Variants in LY9 observed in about 807,000 individuals in gnomAD.
LY9 encodes lymphocyte antigen 9.
A neutral mutation model predicts 64.6 loss-of-function variants in LY9; 59 were observed. The ratio of observed to expected loss-of-function variants is 0.91; its 90% CI spans 0.74 to 1.13. LY9 has a LOEUF of 1.13. Among genes scored for constraint, LY9 ranks in the 50% most tolerant of loss-of-function variants. The pLI is 0.00. For synonymous variants in LY9, 281 were observed against 308.5 expected (o/e 0.91, Z 0.93); for missense variants, 789 against 797.2 (o/e 0.99, Z 0.12).
At chr1:160,797,889 ACG>A (rs1193336334) in intron 1 of LY9, among the ~76,000 whole-genome samples, 5 of 149,612 alleles carry the variant, frequency 3.3e-5, no homozygotes, top group South Asian at 2.1e-4. Flanking sequence ...ACACACACAC[ACG>A]TATAGTGGCA....
Position 160,816,735 on chromosome 1 carries a change from T to A in LY9, c.1214T>A (p.Val405Glu). ...ACCCCGCTGCAGAAGGAAGCTGTTGTGTCCCAAGGGGAATCACACCTCAAT... is the reference window on the plus strand; with the variant it reads ...ACCCCGCTGCAGAAGGAAGCTGTTGAGTCCCAAGGGGAATCACACCTCAAT... ...TWTPLQKEAV[V>E]SQGESHLNVS... Residue 405 changes from valine (V) to glutamate (E), a missense_variant, in exon 5 of 10, where the codon GTG (valine) becomes GAG (glutamate). Val to Glu is a moderately radical substitution (Grantham distance 121). Coordinates refer to ENST00000263285, the MANE Select transcript of LY9 (RefSeq NM_002348.4). 1 of 1,614,228 alleles carries A rather than the reference T, an allele frequency of 6.2e-7. No homozygotes were observed. The highest frequency in any genetic ancestry group is 1.1e-5 in the South Asian group (1 of 91,086).
At position 160,823,536 on chromosome 1, in the gene LY9, C is replaced by T. The variant is rs760243339; in HGVS notation, c.1570C>T (p.Pro524Ser). The change falls in exon 8 of 10, where the codon CCT (proline) becomes TCT (serine). Residue 524 changes from proline (P) to serine (S), a missense_variant. Pro to Ser is a moderately conservative substitution (Grantham distance 74). Transcript: ENST00000263285. ...TGAGAAGCTGGACACTCCCCTCAGG[C>T]CTGCCAGGCAACAGCCTACACCCAC... ...GYEKLDTPLR[P>S]ARQQPTPTSD... The T allele has an allele frequency of 2.5e-6, 4 of 1,614,200 alleles. No homozygotes were observed. The African/African-American group carries it at 5.3e-5, about 22-fold the overall frequency.
intron 1 of LY9, among the ~76,000 whole-genome samples, chr1:160,798,091 T>G (rs752625840): frequency 6.6e-6 from 1 of 152,188 alleles, no homozygotes. Context: ...GGGAGCTGCA[T>G]TGCACTGTCT....
At chr1:160,796,480 C>A (rs1219484182) in intron 1 of LY9, among the ~76,000 whole-genome samples, 169 bp downstream of exon 1, 1 of 152,068 alleles carries the variant, frequency 6.6e-6, no homozygotes, top group Non-Finnish European at 1.5e-5. Context: ...GCAACCTCCA[C>A]CTCCTGGGTT....
chr1:160,816,682 C>CG lies in LY9; in HGVS notation c.1166dup (p.Asn390LysfsTer31), dbSNP rs776473321. On this transcript the variant is annotated frameshift_variant, in exon 5 of 10. Transcript: ENST00000263285. LOFTEE classifies it high-confidence loss of function. ...TCAGCCTGACCTGCTCCGTGGAGGACGGGGGAAACACTGTCATGTACACAT... is the reference window on the plus strand; with the variant it reads ...TCAGCCTGACCTGCTCCGTGGAGGACGGGGGGAAACACTGTCATGTACACAT... 5.6e-6 allele frequency: 9 copies of CG among 1,614,130 alleles called. No individual in the cohort carries two copies. The South Asian group carries it at 9.9e-5, about 18-fold the overall frequency.
At chr1:160,819,215 T>C in intron 6 of LY9, 106 bp from the exon 7 acceptor site, 1 of 871,478 alleles carries the variant, frequency 1.1e-6, no homozygotes, top group East Asian at 2.5e-5. Flanking sequence ...CTTTTCCCTG[T>C]CTATGTCCCA....
chr1:160,802,097 G>T (rs2101746743), intron 2 of LY9: 2 of 1,381,246 alleles, frequency 1.4e-6, no homozygotes, highest in African/African-American at 2.9e-5. Context: ...TGGCACGTCG[G>T]GAACACCGGA....
Position 160,828,252 on chromosome 1 carries a change from A to G in LY9, c.*436A>G, listed in dbSNP as rs1668962533. Reference sequence around the variant, plus strand: ...TGTTATTTAAAATAAAAGGCAGGAAATAACCTAAATGTCCATTCATTCAGT... The same window carrying G: ...TGTTATTTAAAATAAAAGGCAGGAAGTAACCTAAATGTCCATTCATTCAGT... On this transcript the variant is annotated 3_prime_UTR_variant, in exon 10 of 10. Coordinates refer to ENST00000263285, the MANE Select transcript of LY9 (RefSeq NM_002348.4). The G allele has an allele frequency of 1.3e-5, 2 of 152,806 alleles. No individual in the cohort carries two copies. The highest frequency in any genetic ancestry group is 4.1e-4 in the South Asian group (2 of 4,858). The allele number at this position is 152,806 out of a possible 1,614,324, so 9.5% of individuals were successfully genotyped here.
intron 2 of LY9, among the ~76,000 whole-genome samples, chr1:160,800,694 C>T (rs1666375620): frequency 6.6e-6 from 1 of 152,190 alleles, no homozygotes; most frequent in Non-Finnish European, 1.5e-5. Flanking sequence ...GCCCTCACTC[C>T]TCTCCCACCC....
rs1667984649 is a variant in LY9, at chr1:160,816,757, C to T, written c.1236C>T (p.Leu412=). 3 of 1,614,250 alleles carry T rather than the reference C, an allele frequency of 1.9e-6. No individual in the cohort carries two copies. The highest frequency in any genetic ancestry group is 2.5e-6 in the Non-Finnish European group (3 of 1,180,046). ...EAVVSQGESH[L]NVSWRSSENH... ...TTGTGTCCCAAGGGGAATCACACCT[C>T]AATGTCTCATGGAGAAGCAGTGAAA... The change falls in exon 5 of 10, where the codon CTC becomes CTT. Residue 412 remains leucine, a synonymous_variant. Coordinates refer to ENST00000263285, the MANE Select transcript of LY9 (RefSeq NM_002348.4).
intron 9 of LY9, among the ~76,000 whole-genome samples, chr1:160,825,439 T>A (rs1339783887): frequency 2.0e-5 from 3 of 152,116 alleles, no homozygotes; most frequent in African/African-American, 7.2e-5. Flanking sequence ...ACTTGGAAGT[T>A]CCAGTATTAA....
chr1:160,821,580 C>T (rs1204721548), intron 7 of LY9, among the ~76,000 whole-genome samples: 1 of 152,114 alleles, frequency 6.6e-6, no homozygotes, highest in African/African-American at 2.4e-5. Context: ...ACTATTTCCT[C>T]TCATCACTTT....
chr1:160,814,058 G>T, intron 3 of LY9, 147 bp downstream of exon 3: 1 of 852,012 alleles, frequency 1.2e-6, no homozygotes, highest in Non-Finnish European at 1.8e-6. Context: ...TACTCTCAGG[G>T]ACATGACAGA....
chr1:160,823,108 C>T (rs1668601648), intron 7 of LY9, among the ~76,000 whole-genome samples: 1 of 152,178 alleles, frequency 6.6e-6, no homozygotes, highest in South Asian at 2.1e-4. Flanking sequence ...TACACATGCA[C>T]CTGACTCCCC....
In LY9 at chr1:160,824,199, C is replaced by T. The variant is rs1294184764; in HGVS notation, c.1849C>T (p.Gln617Ter). 1 of 1,614,084 alleles carries T rather than the reference C, an allele frequency of 6.2e-7. No individual in the cohort carries two copies. The highest frequency in any genetic ancestry group is 2.2e-5 in the East Asian group (1 of 44,892). The change falls in exon 9 of 10, where the codon CAG (glutamine) becomes TAG (stop). Residue 617 changes from glutamine (Q) to a stop codon, truncating the protein, a stop_gained. Transcript: ENST00000263285. LOFTEE classifies it low-confidence loss of function (END_TRUNC). Reference sequence around the variant, plus strand: ...GTTACAGGGAAAGACCCCAGTTTCTCAGAAGGAAGAGAGCTCAGCCACAAT... The same window carrying T: ...GTTACAGGGAAAGACCCCAGTTTCTTAGAAGGAAGAGAGCTCAGCCACAAT... ...FNLQGKTPVS[Q>*]KEESSATIYC...
chr1:160,825,485 C>G (rs1668801529), intron 9 of LY9, among the ~76,000 whole-genome samples: 1 of 152,202 alleles, frequency 6.6e-6, no homozygotes, highest in African/African-American at 2.4e-5. Context: ...CCTGAGTAAT[C>G]TTAAATAATT....
chr1:160,816,516 T>C lies in LY9; in HGVS notation c.1073-78T>C, dbSNP rs376548549. Reference sequence around the variant, plus strand: ...GTATCAACACTCAGCTTCATGAATATATTTTCAATGAATGAAGACAGGTGA... The same window carrying C: ...GTATCAACACTCAGCTTCATGAATACATTTTCAATGAATGAAGACAGGTGA... On this transcript the variant is annotated intron_variant, in intron 4 of 9. Transcript: ENST00000263285. The C allele has an allele frequency of 1.4e-5, 21 of 1,452,646 alleles. No homozygotes were observed. In the East Asian group the frequency reaches 2.0e-4, roughly 14 times the overall value. The allele number at this position is 1,452,646 out of a possible 1,614,324, so 90.0% of individuals were successfully genotyped here.
chr1:160,813,652 C>T lies in LY9; in HGVS notation c.471C>T (p.Pro157=). Residue 157 remains proline (P), a synonymous_variant, in exon 3 of 10, where the codon CCC becomes CCT. Transcript: ENST00000263285. Reference sequence around the variant, plus strand: ...TCCCTGCAGAGCAGCTGCAGGAGCCCCAAGTCACCATGAAGTCTGTGAAGG... The same window carrying T: ...TCCCTGCAGAGCAGCTGCAGGAGCCTCAAGTCACCATGAAGTCTGTGAAGG... ...TLFVYEQLQE[P]QVTMKSVKVS... is the part of the protein sequence containing the mutation. 6.2e-7 allele frequency: 1 copy of T among 1,613,814 alleles called. No individual in the cohort carries two copies. Among genetic ancestry groups the T allele is most frequent in the South Asian group, 1.1e-5 (1 of 91,038 alleles).
At chr1:160,827,724 C>G (rs576334) in intron 9 of LY9, 24 bp from the exon 10 acceptor site, 776,261 of 1,586,546 alleles carry the variant, frequency 0.49, 196,046 homozygotes, top group East Asian at 0.74. Context: ...TAACCATATT[C>G]TTTTGTGGAT....
Sources: gnomAD v4.1 joint callset for allele counts (sites outside exome capture counted in the v4.1 genomes callset) on GRCh38, gnomAD v4.1.1 for gene constraint, MANE v1.5 for transcripts, NCBI Gene and HGNC (gene_info 2026-07-23, HGNC 2026-07-21) for gene names.